TMCC3: variants seen among roughly 807,000 people sequenced by gnomAD.
TMCC3 encodes transmembrane and coiled-coil domain protein 3.
A neutral mutation model predicts 40.2 loss-of-function variants in TMCC3; 28 were observed. That is an observed-to-expected ratio of 0.70 (90% CI 0.52 to 0.95). The LOEUF (loss-of-function observed/expected upper bound fraction) is 0.95. TMCC3 is among the 40% of genes least tolerant of loss of function. The pLI, the probability that TMCC3 is intolerant of heterozygous loss-of-function variation, is 0.00. For missense variants in TMCC3, 554 were observed against 615.2 expected (o/e 0.90, Z 1.05); for synonymous variants, 255 against 248.5 (o/e 1.03, Z -0.25).
intron 1 of TMCC3, among the ~76,000 whole-genome samples, chr12:94,590,419 C>A (rs2068666823): frequency 6.6e-6 from 1 of 152,052 alleles, no homozygotes; most frequent in African/African-American, 2.4e-5. Context: ...AAAAAGCTTA[C>A]TGCTTGTATT....
chr12:94,643,056 G>A (rs1366843860), intron 1 of TMCC3, among the ~76,000 whole-genome samples: 1 of 152,076 alleles, frequency 6.6e-6, no homozygotes, highest in African/African-American at 2.4e-5. Flanking sequence ...GCTGGGAGTG[G>A]TGGCGTGCAC....
chr12:94,619,620 T>G (rs1297102928), intron 1 of TMCC3, among the ~76,000 whole-genome samples: 14 of 152,364 alleles, frequency 9.2e-5, no homozygotes, highest in Non-Finnish European at 1.5e-5. Context: ...GAGGACAATG[T>G]GTTTGCCTCT....
At chr12:94,620,514 C>A (rs904295268) in intron 1 of TMCC3, among the ~76,000 whole-genome samples, 12 of 152,096 alleles carry the variant, frequency 7.9e-5, no homozygotes, top group African/African-American at 2.6e-4. Flanking sequence ...TCTTGAACTC[C>A]TGACCTCAGG....
At chr12:94,638,496 G>T (rs991547065) in intron 1 of TMCC3, among the ~76,000 whole-genome samples, 21 of 152,160 alleles carry the variant, frequency 1.4e-4, no homozygotes, top group Non-Finnish European at 1.0e-4. Flanking sequence ...CAACATGTAG[G>T]ATGGAATGGA....
chr12:94,572,062 C>G (rs988586993), intron 3 of TMCC3, among the ~76,000 whole-genome samples: 1 of 150,514 alleles, frequency 6.6e-6, no homozygotes, highest in Non-Finnish European at 1.5e-5. Flanking sequence ...TGCAGTGGTG[C>G]GATCTCAGCT....
intron 2 of TMCC3, among the ~76,000 whole-genome samples, chr12:94,580,028 T>C (rs1278589866): frequency 2.0e-5 from 3 of 152,350 alleles, no homozygotes; most frequent in East Asian, 1.9e-4. Flanking sequence ...TTTCATAAAA[T>C]TGGAGAATTG....
rs115658152 is a variant in TMCC3, at chr12:94,637,626, T to C, written c.78+12727A>G. ...AAAATGCACATGCCCTTTGGCTGAGTAATTAGATGCTTGTGAATTTAGCCT... is the reference window on the plus strand; with the variant it reads ...AAAATGCACATGCCCTTTGGCTGAGCAATTAGATGCTTGTGAATTTAGCCT... On this transcript the variant is annotated intron_variant, in intron 1 of 3. Transcript: ENST00000261226. Among the ~76,000 whole-genome samples, 1,370 of 152,348 alleles carry C rather than the reference T, an allele frequency of 9.0e-3. 20 individuals carry two copies. Among genetic ancestry groups the C allele is most frequent in the African/African-American group, 0.031 (1,309 of 41,568 alleles).
intron 3 of TMCC3, among the ~76,000 whole-genome samples, chr12:94,577,132 T>G (rs1012103178): frequency 2.6e-5 from 4 of 152,176 alleles, no homozygotes; most frequent in African/African-American, 9.7e-5. Flanking sequence ...GAGCACACAG[T>G]ATGTATCGAA....
chr12:94,649,934 C>T lies in TMCC3; in HGVS notation c.78+419G>A, dbSNP rs1284483736. Among the ~76,000 whole-genome samples, 3 of 152,228 alleles carry T rather than the reference C, an allele frequency of 2.0e-5. No homozygotes were observed. In the East Asian group the frequency reaches 5.8e-4, roughly 30 times the overall value. On this transcript the variant is annotated intron_variant, in intron 1 of 3. Coordinates refer to ENST00000261226, the MANE Select transcript of TMCC3 (RefSeq NM_020698.4). The stretch of plus-strand genomic sequence containing the variant: ...CCCCGAGGACAGGGAGACAGGGCGG[C>T]CGCCGGGACGTTCGGCGGGGAGGGC...
rs565086087 is a variant in TMCC3, at chr12:94,600,900, C to T, written c.79-18362G>A. On this transcript the variant is annotated intron_variant, in intron 1 of 3. Coordinates refer to ENST00000261226, the MANE Select transcript of TMCC3 (RefSeq NM_020698.4). ...ACCATACAACACTCAGCACAGAACG[C>T]GCAGTATCACTGAGCAGCAAATACC... Among the ~76,000 whole-genome samples, 6 of 152,260 alleles carry T rather than the reference C, an allele frequency of 3.9e-5. No individual in the cohort carries two copies. The East Asian group carries it at 5.8e-4, about 15-fold the overall frequency.
intron 1 of TMCC3, among the ~76,000 whole-genome samples, chr12:94,647,325 T>C (rs1056813978): frequency 2.0e-5 from 3 of 152,200 alleles, no homozygotes; most frequent in African/African-American, 7.2e-5. Flanking sequence ...TAAAAATAGA[T>C]TTCTGCAATG....
intron 3 of TMCC3, among the ~76,000 whole-genome samples, chr12:94,577,171 C>T (rs182523813): frequency 5.9e-5 from 9 of 152,184 alleles, no homozygotes; most frequent in Admixed American, 2.0e-4. Context: ...AATACGAATG[C>T]TATTATTAAT....
At chr12:94,629,447 C>T (rs191200787) in intron 1 of TMCC3, among the ~76,000 whole-genome samples, 17 of 152,346 alleles carry the variant, frequency 1.1e-4, no homozygotes, top group Non-Finnish European at 2.5e-4. Context: ...GGTCTGTCCT[C>T]CCCAGCCTGA....
chr12:94,570,214 C>G lies in TMCC3; in HGVS notation c.*1221G>C, dbSNP rs370518093. ...TCAATCTTCATCCAGGTGAACTGCT[C>G]CCACTAATCTAGCCACCATTCAGTC... On this transcript the variant is annotated 3_prime_UTR_variant, in exon 4 of 4. Coordinates refer to ENST00000261226, the MANE Select transcript of TMCC3 (RefSeq NM_020698.4). 1 of 152,204 alleles carries G rather than the reference C, an allele frequency of 6.6e-6. No individual in the cohort carries two copies. The highest frequency in any genetic ancestry group is 2.4e-5 in the African/African-American group (1 of 41,438). The allele number at this position is 152,204 out of a possible 1,614,324, so 9.4% of individuals were successfully genotyped here.
chr12:94,588,390 A>G (rs2068650726), intron 1 of TMCC3, among the ~76,000 whole-genome samples: 1 of 152,228 alleles, frequency 6.6e-6, no homozygotes, highest in African/African-American at 2.4e-5. Context: ...TGGAGGCCAC[A>G]GAGTAGCCAC....
chr12:94,623,646 A>T (rs2068887833), intron 1 of TMCC3, among the ~76,000 whole-genome samples: 1 of 152,246 alleles, frequency 6.6e-6, no homozygotes, highest in South Asian at 2.1e-4. Flanking sequence ...TACAACTACC[A>T]CCACGTCTAT....
chr12:94,642,968 G>A (rs759093241), intron 1 of TMCC3, among the ~76,000 whole-genome samples: 8 of 152,114 alleles, frequency 5.3e-5, no homozygotes, highest in Non-Finnish European at 1.0e-4. Flanking sequence ...CGAGGCAGGC[G>A]GATCACGAGG....
intron 1 of TMCC3, among the ~76,000 whole-genome samples, chr12:94,621,237 T>C (rs991003561): frequency 1.3e-5 from 2 of 152,236 alleles, no homozygotes; most frequent in South Asian, 2.1e-4. Flanking sequence ...AACACTGATA[T>C]GGGGTTTAGA....
At chr12:94,611,809 A>T (rs941312465) in intron 1 of TMCC3, among the ~76,000 whole-genome samples, 7 of 151,886 alleles carry the variant, frequency 4.6e-5, no homozygotes, top group African/African-American at 1.7e-4. Flanking sequence ...TACAGATGCA[A>T]TTTTTCTTCC....
Sources: allele counts gnomAD v4.1 joint callset (sites outside exome capture counted in the v4.1 genomes callset), GRCh38; gene constraint gnomAD v4.1.1; transcripts MANE v1.5; gene names NCBI Gene and HGNC (gene_info 2026-07-23, HGNC 2026-07-21).